NRCAM: variants seen among roughly 807,000 people sequenced by gnomAD.
The protein encoded by NRCAM is neuronal cell adhesion molecule.
A neutral mutation model predicts 156.5 loss-of-function variants in NRCAM; 83 were observed. That is an observed-to-expected ratio of 0.53 (90% confidence interval 0.44 to 0.64). The LOEUF is 0.64. Ranked by LOEUF, NRCAM falls within the 30% of genes least tolerant of loss-of-function variation. NRCAM has a pLI of 0.00. For synonymous variants in NRCAM, 538 were observed against 563.9 expected, an observed-to-expected ratio of 0.95 and a Z score of 0.65; for missense variants, 1,417 against 1,597.3, an observed-to-expected ratio of 0.89 and a Z score of 1.92.
Position 108,150,010 on chromosome 7 carries a change from A to G in NRCAM, c.3815T>C (p.Phe1272Ser). ...TTTCTTACCACTGTATTGTCCAATA[A>G]AGGAGCCATCCTCATTGAACTGGCC... is the stretch of plus-strand genomic sequence containing the variant. ...VNGQFNEDGS[F>S]IGQYSGKKEK... Residue 1272 changes from phenylalanine to serine, a missense_variant, in exon 33 of 33, where the codon TTT becomes TCT. Transcript: ENST00000379028. The G allele has an allele frequency of 6.2e-7, 1 of 1,614,064 alleles. No homozygotes were observed. The highest frequency in any genetic ancestry group is 8.5e-7 in the Non-Finnish European group (1 of 1,179,934).
At chr7:108,446,814 G>A (rs994232032) in intron 1 of NRCAM, among the ~76,000 whole-genome samples, 11 of 148,494 alleles carry the variant, frequency 7.4e-5, no homozygotes, top group African/African-American at 2.8e-4. Context: ...TGCAACCTTC[G>A]CCTCCTGGGT....
intron 28 of NRCAM, 35 bp downstream of exon 28, chr7:108,175,287 C>T (rs751639578): frequency 1.3e-6 from 2 of 1,536,438 alleles, no homozygotes; most frequent in Admixed American, 2.0e-5. Flanking sequence ...GCAAATTTCA[C>T]ACATGTATAA....
At position 108,209,568 on chromosome 7, in the gene NRCAM, T is replaced by G; in HGVS notation, c.928A>C (p.Met310Leu). 6.2e-7 allele frequency: 1 copy of G among 1,611,084 alleles called. No homozygotes were observed. The highest frequency in any genetic ancestry group is 8.5e-7 in the Non-Finnish European group (1 of 1,179,052). The change falls in exon 12 of 33, where the codon ATG becomes CTG. Residue 310 changes from methionine to leucine, a missense_variant. By Grantham distance (15) the Met-to-Leu change is conservative (BLOSUM62 2). This residue lies in a region of NRCAM where 1,238 missense variants were observed against 1,336.4 expected (regional missense o/e 0.93). Transcript: ENST00000379028. ...PIIYWAKEDG[M>L]LPKNRTVYKN... ...TAAACTGTCCTGTTTTTGGGTAGCA[T>G]TCCATCTTCCTTTGCCCAGTAAATA... is the stretch of plus-strand genomic sequence containing the variant.
intron 2 of NRCAM, among the ~76,000 whole-genome samples, chr7:108,391,504 C>T (rs1296757438): frequency 6.6e-6 from 1 of 151,956 alleles, no homozygotes; most frequent in African/African-American, 2.4e-5. Context: ...ATACAGCACA[C>T]TGATGGGTCT....
At chr7:108,215,855 T>C (rs1331091964) in intron 11 of NRCAM, among the ~76,000 whole-genome samples, 1 of 152,116 alleles carries the variant, frequency 6.6e-6, no homozygotes, top group African/African-American at 2.4e-5. Context: ...TGGGTCTTGA[T>C]TCGTTATCCA....
chr7:108,258,117 G>C (rs1379636815), intron 3 of NRCAM, among the ~76,000 whole-genome samples: 1 of 152,206 alleles, frequency 6.6e-6, no homozygotes, highest in Non-Finnish European at 1.5e-5. Flanking sequence ...GCCTGTTGGA[G>C]GAGGTGGCTG....
chr7:108,394,106 C>T (rs1043258447), intron 2 of NRCAM, among the ~76,000 whole-genome samples: 1 of 152,162 alleles, frequency 6.6e-6, no homozygotes, highest in African/African-American at 2.4e-5. Context: ...GTTCCCAAGT[C>T]GACCACTCAT....
At chr7:108,181,686 A>C (rs1049133609) in intron 24 of NRCAM, 136 bp downstream of exon 24, 2 of 459,922 alleles carry the variant, frequency 4.3e-6, no homozygotes, top group Non-Finnish European at 7.8e-6. Flanking sequence ...TGAGGCAATG[A>C]GCGAAATGAA....
rs1308540230 is a variant in NRCAM at position 108,180,272 on chromosome 7, T to C, written c.2802A>G (p.Lys934=). Residue 934 remains lysine, a synonymous_variant, in exon 25 of 33, where the codon AAA becomes AAG. Transcript: ENST00000379028. ...TGTCAGGGCTGGCTGGGCCCTCCCCTTTCCCATTGACCACTCGGACATTCA... is the reference window on the plus strand; with the variant it reads ...TGTCAGGGCTGGCTGGGCCCTCCCCCTTCCCATTGACCACTCGGACATTCA... ...YTLNVRVVNG[K]GEGPASPDRV... is the part of the protein sequence containing the mutation. 3 of 1,614,092 alleles carry C rather than the reference T, an allele frequency of 1.9e-6. No homozygotes were observed. Among genetic ancestry groups the C allele is most frequent in the Non-Finnish European group, 1.7e-6 (2 of 1,180,024 alleles).
At chr7:108,413,412 A>G (rs1192626812) in intron 1 of NRCAM, among the ~76,000 whole-genome samples, 1 of 152,098 alleles carries the variant, frequency 6.6e-6, no homozygotes, top group African/African-American at 2.4e-5. Context: ...AGTTCCTTAT[A>G]TATTTTGGAT....
chr7:108,399,785 A>C (rs2099786711), intron 1 of NRCAM, among the ~76,000 whole-genome samples, 192 bp from the exon 2 acceptor site: 1 of 152,226 alleles, frequency 6.6e-6, no homozygotes, highest in East Asian at 1.9e-4. Context: ...TAAGCAACTT[A>C]ATAGGAACAG....
At chr7:108,387,883 T>C (rs1440120157) in intron 2 of NRCAM, among the ~76,000 whole-genome samples, 1 of 152,184 alleles carries the variant, frequency 6.6e-6, no homozygotes, top group Non-Finnish European at 1.5e-5. Flanking sequence ...GCAAAGGACA[T>C]AAACTCATCC....
intron 20 of NRCAM, among the ~76,000 whole-genome samples, chr7:108,188,260 C>T (rs2068496879): frequency 6.6e-6 from 1 of 151,948 alleles, no homozygotes; most frequent in Non-Finnish European, 1.5e-5. Flanking sequence ...CTGGAGCACC[C>T]CAAGGAGCAT....
intron 2 of NRCAM, among the ~76,000 whole-genome samples, chr7:108,391,260 T>C (rs1180193057): frequency 6.6e-6 from 1 of 152,172 alleles, no homozygotes; most frequent in Non-Finnish European, 1.5e-5. Flanking sequence ...GGTGCTCCTG[T>C]ATTGGGTGCA....
chr7:108,231,610 G>A (rs987748114), intron 7 of NRCAM, among the ~76,000 whole-genome samples: 2 of 152,182 alleles, frequency 1.3e-5, no homozygotes, highest in African/African-American at 4.8e-5. Flanking sequence ...AAGGTTGTAA[G>A]ATAGTATTTC....
chr7:108,187,115 A>C (rs1263657961), intron 20 of NRCAM, among the ~76,000 whole-genome samples: 1 of 152,142 alleles, frequency 6.6e-6, no homozygotes, highest in East Asian at 1.9e-4. Context: ...CCATGGTCTT[A>C]CCCAGTCTGT....
intron 1 of NRCAM, among the ~76,000 whole-genome samples, chr7:108,425,682 G>T (rs1020981560): frequency 6.6e-6 from 1 of 152,154 alleles, no homozygotes; most frequent in African/African-American, 2.4e-5. Context: ...TTACAAAATA[G>T]CAACGACCTA....
At chr7:108,368,143 G>A (rs923213059) in intron 2 of NRCAM, among the ~76,000 whole-genome samples, 3 of 151,540 alleles carry the variant, frequency 2.0e-5, no homozygotes, top group Admixed American at 1.3e-4. Flanking sequence ...GGTTTCTGAT[G>A]TTCTGCCTAG....
At chr7:108,256,602 A>G (rs1421553094) in intron 3 of NRCAM, among the ~76,000 whole-genome samples, 1 of 152,134 alleles carries the variant, frequency 6.6e-6, no homozygotes. Context: ...TCTCCGAGAA[A>G]CACCCAAGAA....
Sources: gnomAD v4.1 joint callset for allele counts (sites outside exome capture counted in the v4.1 genomes callset) on GRCh38, gnomAD v4.1.1 for gene constraint, gnomAD v4.1.1 regional missense constraint, MANE v1.5 for transcripts, NCBI Gene and HGNC (gene_info 2026-07-23, HGNC 2026-07-21) for gene names.